Variants in RASAL3 observed in about 807,000 individuals in gnomAD.
The protein encoded by RASAL3 is RAS protein activator like-3.
RASAL3 carries 74 observed loss-of-function variants against 105.5 expected under a neutral mutation model. That is an observed-to-expected ratio of 0.70 (90% CI 0.58 to 0.85). The LOEUF (loss-of-function observed/expected upper bound fraction) is 0.85. RASAL3 is among the 40% of genes least tolerant of loss of function. The probability of loss-of-function intolerance (pLI) is 0.00; values close to 1 mark genes in which losing one functional copy is unlikely to be tolerated. For missense variants in RASAL3, 1,352 were observed against 1,392.0 expected (o/e 0.97, Z 0.46); for synonymous variants, 579 against 591.6 (o/e 0.98, Z 0.31).
In RASAL3 at chr19:15,461,211, A is replaced by G. The variant is rs769570971; in HGVS notation, c.544+7T>C. 1.2e-6 allele frequency: 2 copies of G among 1,613,694 alleles called. No homozygotes were observed. The highest frequency in any genetic ancestry group is 2.2e-5 in the East Asian group (1 of 44,868). ...ATGCCCCAGGCCTTTCCACCCCTCAAGCTTACCTGGATCCCTGAAGTTCCC... is the reference window on the plus strand; with the variant it reads ...ATGCCCCAGGCCTTTCCACCCCTCAGGCTTACCTGGATCCCTGAAGTTCCC... On this transcript the variant is annotated splice_region_variant and intron_variant, in intron 4 of 17. Coordinates refer to ENST00000343625, the MANE Select transcript of RASAL3 (RefSeq NM_022904.3).
intron 14 of RASAL3, 24 bp downstream of exon 14, chr19:15,454,125 A>C: frequency 3.3e-6 from 5 of 1,513,440 alleles, no homozygotes; most frequent in Non-Finnish European, 4.5e-6. Context: ...CACCCATCAG[A>C]CCCCAGACCA....
At position 15,454,213 on chromosome 19, in the gene RASAL3, C is replaced by T; in HGVS notation, c.2215G>A (p.Gly739Ser). Residue 739 changes from glycine to serine, a missense_variant, in exon 14 of 18, where the codon GGC becomes AGC. This residue lies in a region of RASAL3 where 920 missense variants were observed against 919.6 expected (regional missense o/e 1.00). Transcript: ENST00000343625. ...LPTILRAIEE[G>S]QPVLVSVPMR... ...GGCACTGACACAAGCACAGGCTGGCCCTCCTCAATGGCTCGCAGGATGGTG... is the reference window on the plus strand; with the variant it reads ...GGCACTGACACAAGCACAGGCTGGCTCTCCTCAATGGCTCGCAGGATGGTG... 2.5e-6 allele frequency: 4 copies of T among 1,570,976 alleles called. No individual in the cohort carries two copies. Among genetic ancestry groups the T allele is most frequent in the South Asian group, 1.2e-5 (1 of 85,518 alleles).
chr19:15,452,582 G>GGGT, intron 16 of RASAL3, 76 bp downstream of exon 16: 1 of 1,208,198 alleles, frequency 8.3e-7, no homozygotes, highest in Non-Finnish European at 1.1e-6. Context: ...GTTTGGGGGG[G>GGGT]GGGGGGAGGG....
chr19:15,452,848 T>C, intron 15 of RASAL3, 33 bp from the exon 16 acceptor site: 3 of 1,505,252 alleles, frequency 2.0e-6, no homozygotes, highest in Non-Finnish European at 2.7e-6. Flanking sequence ...ATCTGACCCG[T>C]TGTCCCGCCC....
chr19:15,461,396 C>T, intron 3 of RASAL3, 75 bp downstream of exon 3: 2 of 1,526,752 alleles, frequency 1.3e-6, no homozygotes, highest in African/African-American at 2.8e-5. Flanking sequence ...TATCCTCCCT[C>T]CAGCCCCTGC....
chr19:15,457,933 G>C lies in RASAL3; in HGVS notation c.889-99C>G. On this transcript the variant is annotated intron_variant, in intron 8 of 17. Transcript: ENST00000343625. This position sits in a 1 kb window ranked among gnomAD's most constrained non-coding sequence, Gnocchi z 8.6. ...GTGGAGCCTCAAACCTGTTGCGTCG[G>C]GTCCCTAGGGAGATTGCTGGGCCTT... The C allele has an allele frequency of 7.4e-7, 1 of 1,359,064 alleles. No individual in the cohort carries two copies. Among genetic ancestry groups the C allele is most frequent in the East Asian group, 2.5e-5 (1 of 39,282 alleles). The allele number at this position is 1,359,064 out of a possible 1,614,324, so 84.2% of individuals were successfully genotyped here. A position where few individuals can be genotyped will look rare whatever the true frequency, so the allele number is the denominator to read the frequency against.
chr19:15,453,469 G>T lies in RASAL3; in HGVS notation c.2308C>A (p.Leu770Met). 6.5e-7 allele frequency: 1 copy of T among 1,541,804 alleles called. No individual in the cohort carries two copies. ...TGCTTGGGGAGGTCCCGGGGGGCCA[G>T]GAAGCCGGGCTTCTCCCCTGCGGAG... is the stretch of plus-strand genomic sequence containing the variant. ...SLSAGEKPGF[L>M]APRDLPKHTP... Residue 770 changes from leucine (L) to methionine (M), a missense_variant, in exon 15 of 18, where the codon CTG becomes ATG. Transcript: ENST00000343625. The surrounding 1 kb of genome is among the most constrained non-coding windows in gnomAD (Gnocchi z 4.2).
At position 15,464,156 on chromosome 19, in the gene RASAL3, C is replaced by A. The variant is rs761696731; in HGVS notation, c.203G>T (p.Arg68Leu). Residue 68 changes from arginine (R) to leucine (L), a missense_variant, in exon 2 of 18, where the codon CGT becomes CTT. By Grantham distance (102) the Arg-to-Leu change is moderately radical. Around this residue, in one of 3 missense-constraint regions of RASAL3, gnomAD observed 344 missense variants for 339.6 expected, o/e 1.01. Transcript: ENST00000343625. ...STQPAPRSIF[R>L]RVLSAPPKES... The stretch of plus-strand genomic sequence containing the variant: ...CTTGGGAGGCGCAGATAGGACCCGA[C>A]GGAATATCGAGCGAGGGGCTGGCTG... 1.9e-6 allele frequency: 3 copies of A among 1,613,446 alleles called. No homozygotes were observed. The highest frequency in any genetic ancestry group is 2.5e-6 in the Non-Finnish European group (3 of 1,179,814).
At position 15,455,820 on chromosome 19, in the gene RASAL3, A is replaced by G. The variant is rs150795165; in HGVS notation, c.1721+284T>C. On this transcript the variant is annotated intron_variant, in intron 11 of 17. Transcript: ENST00000343625. ...GTGCCACCATGCCTAGCTCATTTTT[A>G]AAAAGCTTTTTGGAGAGATGGAGTC... Among the ~76,000 whole-genome samples the G allele has an allele frequency of 1.8e-4, 28 of 152,258 alleles. No individual in the cohort carries two copies. The East Asian group carries it at 5.4e-3, about 29-fold the overall frequency.
At position 15,452,587 on chromosome 19, in the gene RASAL3, G is replaced by C. The variant is rs1314255285; in HGVS notation, c.2828+71C>G. 6.3e-5 allele frequency: 71 copies of C among 1,123,206 alleles called. No individual in the cohort carries two copies. In the African/African-American group the frequency reaches 6.9e-4, roughly 11 times the overall value. 69.6% of individuals were successfully genotyped at this position (1,123,206 alleles called of 1,614,324 possible). A position where few individuals can be genotyped will look rare whatever the true frequency, so the allele number is the denominator to read the frequency against. On this transcript the variant is annotated intron_variant, in intron 16 of 17. Coordinates refer to ENST00000343625, the MANE Select transcript of RASAL3 (RefSeq NM_022904.3). ...GCTAGGCGTGGTTTGGGGGGGGGGG[G>C]GAGGGCCTGGTCAGATCTAATTGGA...
chr19:15,453,495 A>G lies in RASAL3; in HGVS notation c.2282T>C (p.Leu761Pro). 6.6e-7 allele frequency: 1 copy of G among 1,522,394 alleles called. No individual in the cohort carries two copies. Among genetic ancestry groups the G allele is most frequent in the Admixed American group, 2.4e-5 (1 of 42,376 alleles). The allele number at this position is 1,522,394 out of a possible 1,614,324, so 94.3% of individuals were successfully genotyped here. A position where few individuals can be genotyped will look rare whatever the true frequency, so the allele number is the denominator to read the frequency against. The change falls in exon 15 of 18, where the codon CTC becomes CCC. Residue 761 changes from leucine (L) to proline (P), a missense_variant and splice_region_variant. This residue lies in a region of RASAL3 where 920 missense variants were observed against 919.6 expected (regional missense o/e 1.00). Transcript: ENST00000343625. The surrounding 1 kb of genome is among the most constrained non-coding windows in gnomAD (Gnocchi z 4.2). Reference protein sequence around the residue: ...PLPPAQVHSSLSAGEKPGFLA... With the variant: ...PLPPAQVHSSPSAGEKPGFLA... ...GAAGCCGGGCTTCTCCCCTGCGGAGAGGCTAGGGGTGGGATGGAGGATCTT... is the reference window on the plus strand; with the variant it reads ...GAAGCCGGGCTTCTCCCCTGCGGAGGGGCTAGGGGTGGGATGGAGGATCTT...
At chr19:15,454,628 C>T (rs778781540) in intron 12 of RASAL3, 29 bp downstream of exon 12, 9 of 1,609,956 alleles carry the variant, frequency 5.6e-6, no homozygotes, top group East Asian at 2.2e-5. Flanking sequence ...CCAGCATGGT[C>T]CCCCCACCCC....
At chr19:15,451,987 C>T (rs202158014) in intron 17 of RASAL3, 49 bp from the exon 18 acceptor site, 47 of 1,613,494 alleles carry the variant, frequency 2.9e-5, no homozygotes, top group Admixed American at 1.0e-4. Flanking sequence ...AGGGCTGCAC[C>T]GCAACCCTTG....
At chr19:15,464,398 A>G (rs368799714) in intron 1 of RASAL3, 21 bp from the exon 2 acceptor site, 68 of 1,486,942 alleles carry the variant, frequency 4.6e-5, no homozygotes, top group African/African-American at 6.9e-5. Context: ...AGAGAGTGAC[A>G]GTAGTGCCCA....
chr19:15,463,957 G>A, intron 2 of RASAL3, 74 bp downstream of exon 2: 1 of 1,348,424 alleles, frequency 7.4e-7, no homozygotes, highest in Non-Finnish European at 1.0e-6. Context: ...TATGGTTGAT[G>A]CTCCGGAGGC....
At chr19:15,452,969 CAG>C in intron 15 of RASAL3, 136 bp downstream of exon 15, 3 of 1,478,608 alleles carry the variant, frequency 2.0e-6, no homozygotes, top group South Asian at 2.5e-5. Flanking sequence ...GACTGAAGCT[CAG>C]AGAGGGTCGG....
In RASAL3 at chr19:15,451,832, G is replaced by T. The variant is rs368141019; in HGVS notation, c.2999C>A (p.Pro1000His). The T allele has an allele frequency of 7.5e-6, 12 of 1,606,112 alleles. No homozygotes were observed. Among genetic ancestry groups the T allele is most frequent in the Non-Finnish European group, 8.5e-6 (10 of 1,174,320 alleles). The change falls in exon 18 of 18, where the codon CCC (proline) becomes CAC (histidine). Residue 1000 changes from proline (P) to histidine (H), a missense_variant. Transcript: ENST00000343625. ...RTRGSWSQPQ[P>H]LKAPCLNGDT... ...TCCATTGAGGCAGGGTGCTTTGAGG[G>T]GCTGGGGTTGACTCCAAGACCCCCG... is the stretch of plus-strand genomic sequence containing the variant.
At chr19:15,461,400 C>T in intron 3 of RASAL3, 71 bp downstream of exon 3, 1 of 1,526,216 alleles carries the variant, frequency 6.6e-7, no homozygotes. Context: ...CTCCCTCCAG[C>T]CCCTGCCTCT....
At chr19:15,452,287 G>A in intron 16 of RASAL3, 179 bp from the exon 17 acceptor site, 1 of 653,520 alleles carries the variant, frequency 1.5e-6, no homozygotes, top group Non-Finnish European at 2.7e-6. Context: ...GGAATGGTTG[G>A]AATGACAGGA....
Sources: allele counts gnomAD v4.1 joint callset (sites outside exome capture counted in the v4.1 genomes callset), GRCh38; gene constraint gnomAD v4.1.1; regional missense constraint gnomAD v4.1.1; non-coding constraint Gnocchi (gnomAD v3.1); transcripts MANE v1.5; gene names NCBI Gene and HGNC (gene_info 2026-07-23, HGNC 2026-07-21).